Variants in WWOX observed in about 807,000 individuals in gnomAD.
The protein encoded by WWOX is WW domain-containing oxidoreductase.
A neutral mutation model predicts 46.2 loss-of-function variants in WWOX; 69 were observed. The ratio of observed to expected loss-of-function variants is 1.49; its 90% CI spans 1.23 to 1.82. WWOX has a LOEUF of 1.82. WWOX is among the 40% of genes most tolerant of loss of function. The probability of loss-of-function intolerance (pLI) is 0.00; values close to 1 mark genes in which losing one functional copy is unlikely to be tolerated. For synonymous variants in WWOX, 359 were observed against 202.6 expected (o/e 1.77, Z -6.56); for missense variants, 919 against 542.6 (o/e 1.69, Z -6.89).
rs1225178993 is a variant in WWOX at position 78,278,462 on chromosome 16, T to C, written c.517-108398T>C. 2.9e-5 allele frequency: 22 copies of C among 750,822 alleles called. No homozygotes were observed. The East Asian group carries it at 6.0e-4, about 20-fold the overall frequency. The allele number at this position is 750,822 out of a possible 1,614,324, so 46.5% of individuals were successfully genotyped here. ...TGCCAAACTGCAATTAAATAGGAGG[T>C]GTTGGAAGAAGGTTTTATTTAACCA... On this transcript the variant is annotated intron_variant, in intron 5 of 8. Transcript: ENST00000566780.
rs57697380 is a variant in WWOX at position 78,654,982 on chromosome 16, C to G, written c.1056+222230C>G. On this transcript the variant is annotated intron_variant, in intron 8 of 8. Transcript: ENST00000566780. ...TATGTGACCACATTTAAAATGAGCA[C>G]CACCACATCCAAATGTCTGAGTTTA... 4.4e-3 allele frequency among the ~76,000 whole-genome samples: 677 copies of G among 152,164 alleles called. 7 individuals are homozygous for G. Among genetic ancestry groups the G allele is most frequent in the African/African-American group, 0.016 (656 of 41,498 alleles).
chr16:78,491,148 T>G (rs1006306976), intron 8 of WWOX, among the ~76,000 whole-genome samples: 29 of 152,168 alleles, frequency 1.9e-4, no homozygotes, highest in African/African-American at 6.8e-4. Flanking sequence ...CAAAAGGCTC[T>G]CCATCCTTCA....
At position 78,186,424 on chromosome 16, in the gene WWOX, T is replaced by C. The variant is rs74927610; in HGVS notation, c.516+22135T>C. ...TAACCTGACAGTTGATCAATTGATA[T>C]CCTTTGACTTGTTGGAATTTTATTC... On this transcript the variant is annotated intron_variant, in intron 5 of 8. Transcript: ENST00000566780. Among the ~76,000 whole-genome samples the C allele has an allele frequency of 1.4e-4, 21 of 152,310 alleles. No individual in the cohort carries two copies. In the East Asian group the frequency reaches 2.9e-3, roughly 21 times the overall value.
intron 8 of WWOX, among the ~76,000 whole-genome samples, chr16:78,459,756 G>A (rs577741846): frequency 3.0e-4 from 46 of 152,282 alleles, no homozygotes; most frequent in Non-Finnish European, 5.7e-4. Flanking sequence ...TCAGCCTGAA[G>A]GCCTACTTGA....
intron 8 of WWOX, among the ~76,000 whole-genome samples, chr16:79,023,568 C>T (rs926394105): frequency 3.9e-5 from 6 of 152,104 alleles, no homozygotes; most frequent in African/African-American, 1.4e-4. Context: ...CCACCACAGG[C>T]AAACATGTGT....
At chr16:78,880,757 G>C (rs186682800) in intron 8 of WWOX, among the ~76,000 whole-genome samples, 1 of 152,166 alleles carries the variant, frequency 6.6e-6, no homozygotes, top group Non-Finnish European at 1.5e-5. Flanking sequence ...TTTGGGAGAA[G>C]ATGGTTTCAA....
At chr16:78,375,971 C>T (rs572565433) in intron 5 of WWOX, among the ~76,000 whole-genome samples, 13 of 151,746 alleles carry the variant, frequency 8.6e-5, no homozygotes, top group African/African-American at 2.7e-4. Flanking sequence ...CTGCCTCAGC[C>T]TTCCAATTAG....
intron 8 of WWOX, among the ~76,000 whole-genome samples, chr16:79,005,419 C>G (rs1284183934): frequency 6.6e-6 from 1 of 152,192 alleles, no homozygotes; most frequent in Non-Finnish European, 1.5e-5. Flanking sequence ...GTGCCACGTA[C>G]TAGGTGGCTT....
At chr16:79,045,765 T>G (rs1218008745) in intron 8 of WWOX, among the ~76,000 whole-genome samples, 1 of 148,754 alleles carries the variant, frequency 6.7e-6, no homozygotes, top group African/African-American at 2.5e-5. Context: ...AGCTCGTCTT[T>G]CCTTTTTTCT....
intron 8 of WWOX, among the ~76,000 whole-genome samples, chr16:78,637,807 G>T (rs114681779): frequency 2.8e-4 from 43 of 152,244 alleles, no homozygotes; most frequent in African/African-American, 1.0e-3. Context: ...GGGTAACATT[G>T]TCCCAGGCCA....
chr16:78,165,888 CAG>C (rs1243702684), intron 5 of WWOX, among the ~76,000 whole-genome samples: 13 of 152,094 alleles, frequency 8.5e-5, no homozygotes. Flanking sequence ...AAAAAGAAAA[CAG>C]AGTCTTACTT....
At chr16:78,333,918 C>G (rs1473417083) in intron 5 of WWOX, among the ~76,000 whole-genome samples, 1 of 149,656 alleles carries the variant, frequency 6.7e-6, no homozygotes, top group East Asian at 2.0e-4. Context: ...CATCTCCTCC[C>G]CCTCTTCTTC....
At chr16:78,700,387 C>T (rs1424572991) in intron 8 of WWOX, among the ~76,000 whole-genome samples, 1 of 150,532 alleles carries the variant, frequency 6.6e-6, no homozygotes, top group Non-Finnish European at 1.5e-5. Flanking sequence ...GTCTTTCATT[C>T]ATGAGAACTC....
chr16:79,030,744 C>A (rs980184464), intron 8 of WWOX, among the ~76,000 whole-genome samples: 1 of 152,114 alleles, frequency 6.6e-6, no homozygotes, highest in Non-Finnish European at 1.5e-5. Flanking sequence ...CATTATCAAA[C>A]AAACACCATG....
intron 8 of WWOX, among the ~76,000 whole-genome samples, chr16:79,119,190 TA>T (rs10545268): frequency 0.21 from 30,996 of 148,104 alleles, 3,695 homozygotes; most frequent in East Asian, 0.34. Context: ...GAGTGCTCAT[TA>T]AAAAAAAAAA....
chr16:78,384,504 C>A (rs974938262), intron 5 of WWOX, among the ~76,000 whole-genome samples: 11 of 152,250 alleles, frequency 7.2e-5, no homozygotes, highest in Middle Eastern at 3.4e-3. Flanking sequence ...TCTGGAGGTA[C>A]ACACCTTTCA....
intron 8 of WWOX, among the ~76,000 whole-genome samples, chr16:79,018,316 A>G (rs1168082762): frequency 6.6e-6 from 1 of 152,200 alleles, no homozygotes; most frequent in Admixed American, 6.5e-5. Flanking sequence ...GTTGTTAATT[A>G]AATACCTACT....
intron 8 of WWOX, among the ~76,000 whole-genome samples, chr16:79,041,719 A>C (rs1465018987): frequency 2.0e-5 from 3 of 152,184 alleles, no homozygotes; most frequent in Non-Finnish European, 2.9e-5. Context: ...GAAACTGGCA[A>C]AACTGGACCT....
chr16:78,901,524 G>A (rs1240594940), intron 8 of WWOX, among the ~76,000 whole-genome samples: 1 of 152,154 alleles, frequency 6.6e-6, no homozygotes, highest in East Asian at 1.9e-4. Context: ...ATCTCCCTCT[G>A]TTGCCCAGGC....
Sources: gnomAD v4.1 joint callset for allele counts (sites outside exome capture counted in the v4.1 genomes callset) on GRCh38, gnomAD v4.1.1 for gene constraint, MANE v1.5 for transcripts, NCBI Gene and HGNC (gene_info 2026-07-23, HGNC 2026-07-21) for gene names.